The following PARD3B variants were observed in gnomAD, a reference collection of about 807,000 sequenced individuals.
PARD3B encodes the protein partitioning defective 3 homolog B.
In PARD3B, 103 loss-of-function variants were observed where a neutral mutation model predicts 130.2. That is an observed-to-expected ratio of 0.79 (90% CI 0.67 to 0.93). The LOEUF is 0.93. PARD3B is among the 40% of genes least tolerant of loss of function. The pLI is 0.00. For missense variants in PARD3B, 1,609 were observed against 1,499.2 expected (o/e 1.07, Z -1.21); for synonymous variants, 583 against 553.2 (o/e 1.05, Z -0.76).
intron 16 of PARD3B, among the ~76,000 whole-genome samples, chr2:205,294,376 G>T (rs1312959705): frequency 2.6e-5 from 4 of 152,072 alleles, no homozygotes; most frequent in Non-Finnish European, 5.9e-5. Context: ...ATATTTTTGG[G>T]GTAATGAATT....
At chr2:205,493,945 G>C (rs1329760168) in intron 20 of PARD3B, among the ~76,000 whole-genome samples, 1 of 151,410 alleles carries the variant, frequency 6.6e-6, no homozygotes, top group Non-Finnish European at 1.5e-5. Context: ...ATTTTTAGTA[G>C]AGATGGGGTT....
intron 2 of PARD3B, among the ~76,000 whole-genome samples, chr2:204,856,482 T>C (rs759668369): frequency 3.3e-5 from 5 of 152,170 alleles, no homozygotes; most frequent in Non-Finnish European, 7.4e-5. Context: ...TCTCCCAATC[T>C]AGGTTGTATC....
chr2:204,639,895 G>A (rs1289525191), intron 1 of PARD3B, among the ~76,000 whole-genome samples: 1 of 152,124 alleles, frequency 6.6e-6, no homozygotes, highest in Non-Finnish European at 1.5e-5. Context: ...AGGAACACAG[G>A]CTATCTGAAT....
chr2:205,504,958 C>T (rs1478346380), intron 21 of PARD3B, among the ~76,000 whole-genome samples: 1 of 152,140 alleles, frequency 6.6e-6, no homozygotes, highest in Non-Finnish European at 1.5e-5. Flanking sequence ...TATTGTGGCA[C>T]TATTCACAAT....
At chr2:205,557,670 T>A (rs1265980079) in intron 22 of PARD3B, among the ~76,000 whole-genome samples, 1 of 152,162 alleles carries the variant, frequency 6.6e-6, no homozygotes, top group Admixed American at 6.5e-5. Flanking sequence ...GGTATGAGTA[T>A]TAAATACAAT....
chr2:204,645,881 A>G (rs183810565), intron 1 of PARD3B, among the ~76,000 whole-genome samples: 4 of 152,164 alleles, frequency 2.6e-5, no homozygotes, highest in Admixed American at 1.3e-4. Context: ...TGGATAATCA[A>G]TGTATTTTCA....
chr2:204,870,173 A>G (rs895836960), intron 2 of PARD3B, among the ~76,000 whole-genome samples: 1 of 152,054 alleles, frequency 6.6e-6, no homozygotes, highest in African/African-American at 2.4e-5. Context: ...AGCATTTTGG[A>G]TGGGGTGGTA....
At chr2:205,481,566 G>A (rs1238055424) in intron 20 of PARD3B, among the ~76,000 whole-genome samples, 1 of 152,222 alleles carries the variant, frequency 6.6e-6, no homozygotes, top group Non-Finnish European at 1.5e-5. Context: ...AATGTAAGAT[G>A]CATGGGAGAA....
intron 18 of PARD3B, among the ~76,000 whole-genome samples, chr2:205,389,237 C>G (rs888450839): frequency 1.3e-5 from 2 of 152,218 alleles, no homozygotes; most frequent in African/African-American, 4.8e-5. Context: ...ACTTTAACAT[C>G]AAAATATTGA....
At chr2:205,214,410 G>T (rs1423455937) in intron 15 of PARD3B, among the ~76,000 whole-genome samples, 1 of 151,234 alleles carries the variant, frequency 6.6e-6, no homozygotes, top group African/African-American at 2.4e-5. Flanking sequence ...CAAATATTGT[G>T]TAAGCTGAAT....
At position 205,169,931 on chromosome 2, in the gene PARD3B, C is replaced by CTT. The variant is rs35332758; in HGVS notation, c.1621-2266_1621-2265dup. 6.0e-4 allele frequency among the ~76,000 whole-genome samples: 85 copies of CTT among 142,040 alleles called. 2 individuals are homozygous for CTT. Among genetic ancestry groups the CTT allele is most frequent in the South Asian group, 3.1e-3 (14 of 4,500 alleles). 93.2% of individuals were successfully genotyped at this position (142,040 alleles called of 152,430 possible). On this transcript the variant is annotated intron_variant, in intron 11 of 22. Coordinates refer to ENST00000406610, the MANE Select transcript of PARD3B (RefSeq NM_001302769.2). ...GGGTGTTTTTGTTGTTCCCCCCACC[C>CTT]TTTTTTTTTTTTTTTGGAGATGGAG... is the stretch of plus-strand genomic sequence containing the variant.
At chr2:204,876,939 T>C (rs2045867005) in intron 2 of PARD3B, among the ~76,000 whole-genome samples, 1 of 152,190 alleles carries the variant, frequency 6.6e-6, no homozygotes, top group Non-Finnish European at 1.5e-5. Context: ...TACACATGTA[T>C]TCTTTTCAAC....
intron 10 of PARD3B, among the ~76,000 whole-genome samples, chr2:205,127,105 G>GACCAGTATGGTGAAACCCC (rs1221804653): frequency 1.3e-5 from 2 of 152,014 alleles, no homozygotes; most frequent in African/African-American, 4.8e-5. Context: ...TTCGAAACCT[G>GACCAGTATGGTGAAACCCC]ACCAGTATGG....
intron 2 of PARD3B, among the ~76,000 whole-genome samples, chr2:204,721,930 C>T (rs1444747648): frequency 6.6e-6 from 1 of 152,108 alleles, no homozygotes; most frequent in African/African-American, 2.4e-5. Flanking sequence ...ACTACCTCTG[C>T]ATGCAGAGGC....
At chr2:205,074,461 C>T (rs1700922288) in intron 4 of PARD3B, among the ~76,000 whole-genome samples, 4 of 152,140 alleles carry the variant, frequency 2.6e-5, no homozygotes, top group Non-Finnish European at 4.4e-5. Flanking sequence ...TTCAGAAAAA[C>T]TATCGTATGT....
intron 18 of PARD3B, among the ~76,000 whole-genome samples, chr2:205,391,134 T>C: frequency 6.6e-6 from 1 of 152,214 alleles, no homozygotes; most frequent in East Asian, 1.9e-4. Context: ...CCTCCCACAG[T>C]TGATAGAAAG....
At position 204,907,421 on chromosome 2, in the gene PARD3B, T is replaced by C. The variant is rs1193508439; in HGVS notation, c.223-57731T>C. The stretch of plus-strand genomic sequence containing the variant: ...ATTTCTATTTGAATGTAAATTATAT[T>C]ATGTGATAAAATTCCTCTGGAGGAA... On this transcript the variant is annotated intron_variant, in intron 2 of 22. Transcript: ENST00000406610. This position sits in a 1 kb window ranked among gnomAD's most constrained non-coding sequence, Gnocchi z 5.7. Among the ~76,000 whole-genome samples, 1 of 152,212 alleles carries C rather than the reference T, an allele frequency of 6.6e-6. No individual in the cohort carries two copies. Among genetic ancestry groups the C allele is most frequent in the Non-Finnish European group, 1.5e-5 (1 of 68,044 alleles).
chr2:205,109,145 G>A (rs1703443071), intron 5 of PARD3B, among the ~76,000 whole-genome samples: 1 of 152,198 alleles, frequency 6.6e-6, no homozygotes, highest in Non-Finnish European at 1.5e-5. Context: ...TGAAGTAAGT[G>A]GATCTCATCA....
rs1462321399 is a variant in PARD3B, at chr2:204,752,734, G to T, written c.222+66452G>T. 2.6e-5 allele frequency among the ~76,000 whole-genome samples: 4 copies of T among 151,906 alleles called. No individual in the cohort carries two copies. The South Asian group carries it at 8.3e-4, about 32-fold the overall frequency. ...AATCACTGCCAAGCCTTTTGAAAGG[G>T]GTATAATTTATATTAAATGGCCTAT... On this transcript the variant is annotated intron_variant, in intron 2 of 22. Transcript: ENST00000406610.
Sources: gnomAD v4.1 joint callset for allele counts (sites outside exome capture counted in the v4.1 genomes callset) on GRCh38, gnomAD v4.1.1 for gene constraint, Gnocchi (gnomAD v3.1) non-coding constraint, MANE v1.5 for transcripts, NCBI Gene and HGNC (gene_info 2026-07-23, HGNC 2026-07-21) for gene names.